The following MTUS1 variants were observed in gnomAD, a reference collection of about 807,000 sequenced individuals.
The protein encoded by MTUS1 is microtubule associated scaffold protein 1.
Under a neutral mutation model 120.8 loss-of-function variants are expected in MTUS1, and 109 were observed. The ratio of observed to expected loss-of-function variants is 0.90; its 90% confidence interval spans 0.77 to 1.06. The LOEUF is 1.06. MTUS1 is among the 50% of genes least tolerant of loss of function. MTUS1 has a pLI of 0.00. For missense variants in MTUS1, 2,210 were observed against 1,486.3 expected (o/e 1.49, Z -8.01); for synonymous variants, 737 against 550.5 (o/e 1.34, Z -4.74).
Position 17,755,716 on chromosome 8 carries a change from G to C in MTUS1, c.92C>G (p.Pro31Arg). The stretch of plus-strand genomic sequence containing the variant: ...AGAGTTTTGTGTAGGTGGTGATTTC[G>C]GGTTGTATGCATGTGTATTTCCATC... ...DKDGNTHAYNPKSPPTQNSSA... is the reference protein window; with the variant it reads ...DKDGNTHAYNRKSPPTQNSSA... The change falls in exon 2 of 15, where the codon CCG becomes CGG. Residue 31 changes from proline to arginine, a missense_variant. Physicochemically the swap from Pro to Arg is moderately radical, Grantham distance 103. Coordinates refer to ENST00000693296, the MANE Select transcript of MTUS1 (RefSeq NM_001363059.2). 3.7e-6 allele frequency: 6 copies of C among 1,614,104 alleles called. No individual in the cohort carries two copies. Among genetic ancestry groups the C allele is most frequent in the Non-Finnish European group, 5.1e-6 (6 of 1,180,010 alleles).
At chr8:17,655,602 T>C (rs190305557) in intron 9 of MTUS1, among the ~76,000 whole-genome samples, 11 of 152,224 alleles carry the variant, frequency 7.2e-5, no homozygotes, top group Admixed American at 3.3e-4. Flanking sequence ...TGGGTGCCTA[T>C]AGTCCCAGCT....
chr8:17,653,127 C>T, intron 12 of MTUS1, 59 bp downstream of exon 12: 4 of 962,112 alleles, frequency 4.2e-6, no homozygotes, highest in Non-Finnish European at 6.2e-6. Flanking sequence ...ACTTGAATGA[C>T]TCTAAAAGGC....
At chr8:17,766,388 C>T (rs2049488353) in intron 1 of MTUS1, among the ~76,000 whole-genome samples, 1 of 152,192 alleles carries the variant, frequency 6.6e-6, no homozygotes, top group African/African-American at 2.4e-5. Flanking sequence ...TCTCCTTCCT[C>T]CATGAGATCT....
chr8:17,786,533 C>T (rs904304572), intron 1 of MTUS1, among the ~76,000 whole-genome samples: 1 of 145,480 alleles, frequency 6.9e-6, no homozygotes, highest in African/African-American at 2.5e-5. Context: ...AGATATTTAT[C>T]TGCAAGCGAC....
chr8:17,762,907 G>A (rs1324610293), intron 1 of MTUS1, among the ~76,000 whole-genome samples: 1 of 151,944 alleles, frequency 6.6e-6, no homozygotes, highest in African/African-American at 2.4e-5. Flanking sequence ...GCAAAGATGC[G>A]GCAAAGAGCT....
chr8:17,715,636 A>C, intron 5 of MTUS1, 131 bp downstream of exon 5: 2 of 947,498 alleles, frequency 2.1e-6, no homozygotes, highest in Non-Finnish European at 3.1e-6. Flanking sequence ...AATGTATTAT[A>C]TCTCCTTTCT....
At chr8:17,777,906 G>T (rs527962353) in intron 1 of MTUS1, among the ~76,000 whole-genome samples, 1 of 152,288 alleles carries the variant, frequency 6.6e-6, no homozygotes, top group East Asian at 1.9e-4. Flanking sequence ...TCAATAAAAT[G>T]CAACTATTTA....
chr8:17,696,329 G>A (rs1237118161), intron 6 of MTUS1, among the ~76,000 whole-genome samples: 1 of 151,994 alleles, frequency 6.6e-6, no homozygotes, highest in African/African-American at 2.4e-5. Context: ...ATAGTCAGCT[G>A]AAAACAAATC....
At chr8:17,758,475 A>C (rs1389725219) in intron 1 of MTUS1, among the ~76,000 whole-genome samples, 1 of 152,280 alleles carries the variant, frequency 6.6e-6, no homozygotes, top group Non-Finnish European at 1.5e-5. Context: ...GAAATCACTG[A>C]ATAGTTTATT....
chr8:17,715,470 C>G (rs1822138628), intron 5 of MTUS1, among the ~76,000 whole-genome samples: 1 of 152,070 alleles, frequency 6.6e-6, no homozygotes, highest in Non-Finnish European at 1.5e-5. Context: ...ATTTCTACTC[C>G]TTTCTCACTA....
chr8:17,764,458 TTAAAC>T (rs1379504913), intron 1 of MTUS1, among the ~76,000 whole-genome samples: 1 of 151,506 alleles, frequency 6.6e-6, no homozygotes, highest in Admixed American at 6.6e-5. Context: ...AGAAAACCCA[TTAAAC>T]AATAGTTTAT....
Position 17,755,456 on chromosome 8 carries a change from G to A in MTUS1, c.352C>T (p.Gln118Ter). ...GCTTCTAGGGAATGACAACTGTGTT[G>A]CAGATATTTGGGCTTCTCAGTACCT... ...LVGTEKPKYLQHSCHSLEAVE... is the reference protein window; with the variant it reads ...LVGTEKPKYL Residue 118 changes from glutamine (Q) to a stop codon, truncating the protein, a stop_gained, in exon 2 of 15, where the codon CAA becomes TAA. Transcript: ENST00000693296. LOFTEE classifies it high-confidence loss of function. 2 of 1,614,174 alleles carry A rather than the reference G, an allele frequency of 1.2e-6. No individual in the cohort carries two copies. Among genetic ancestry groups the A allele is most frequent in the Non-Finnish European group, 1.7e-6 (2 of 1,179,998 alleles).
chr8:17,797,770 G>A (rs551724600), intron 1 of MTUS1, among the ~76,000 whole-genome samples: 1 of 152,250 alleles, frequency 6.6e-6, no homozygotes, highest in Non-Finnish European at 1.5e-5. Flanking sequence ...CTCAAATATG[G>A]TCCTATCGCT....
At chr8:17,799,662 T>G (rs796407888) in intron 1 of MTUS1, among the ~76,000 whole-genome samples, 5 of 152,236 alleles carry the variant, frequency 3.3e-5, no homozygotes, top group African/African-American at 1.2e-4. Flanking sequence ...TATAATCCTA[T>G]TATACTCCAA....
chr8:17,661,767 T>C (rs1809758906), intron 8 of MTUS1, among the ~76,000 whole-genome samples: 2 of 152,074 alleles, frequency 1.3e-5, no homozygotes, highest in South Asian at 4.1e-4. Flanking sequence ...TCACTGCTGT[T>C]ATTGTAATAG....
intron 6 of MTUS1, among the ~76,000 whole-genome samples, chr8:17,707,717 G>A (rs920563966): frequency 6.6e-6 from 1 of 152,176 alleles, no homozygotes; most frequent in African/African-American, 2.4e-5. Flanking sequence ...GACGTTGAAT[G>A]ACTCACATCC....
chr8:17,699,165 T>G (rs1408819828), intron 6 of MTUS1, among the ~76,000 whole-genome samples: 1 of 152,188 alleles, frequency 6.6e-6, no homozygotes, highest in East Asian at 1.9e-4. Context: ...TTCTTTTGGT[T>G]GTGTTTGTTG....
chr8:17,690,956 C>A (rs573610832), intron 6 of MTUS1, among the ~76,000 whole-genome samples: 1 of 150,422 alleles, frequency 6.6e-6, no homozygotes, highest in Non-Finnish European at 1.5e-5. Flanking sequence ...AAATATTATT[C>A]TTAGCTCTGA....
intron 6 of MTUS1, among the ~76,000 whole-genome samples, chr8:17,699,744 C>T (rs556588959): frequency 2.0e-5 from 3 of 152,312 alleles, no homozygotes; most frequent in South Asian, 2.1e-4. Flanking sequence ...TCCTGGTGGC[C>T]GTGCAGCACA....
Sources: gnomAD v4.1 joint callset for allele counts (sites outside exome capture counted in the v4.1 genomes callset) on GRCh38, gnomAD v4.1.1 for gene constraint, MANE v1.5 for transcripts, NCBI Gene and HGNC (gene_info 2026-07-23, HGNC 2026-07-21) for gene names.